DDX10: variants seen among roughly 807,000 people sequenced by gnomAD.
DDX10 encodes probable ATP-dependent RNA helicase DDX10.
DDX10 carries 74 observed loss-of-function variants against 104.3 expected under a neutral mutation model. The ratio of observed to expected loss-of-function variants is 0.71; its 90% CI spans 0.59 to 0.86. DDX10 has a LOEUF of 0.86. DDX10 is among the 40% of genes least tolerant of loss of function. The pLI, the probability that DDX10 is intolerant of heterozygous loss-of-function variation, is 0.00. For synonymous variants in DDX10, 351 were observed against 353.4 expected (o/e 0.99, Z 0.08); for missense variants, 952 against 1,040.0 (o/e 0.92, Z 1.16).
intron 9 of DDX10, among the ~76,000 whole-genome samples, chr11:108,701,194 T>C (rs922128181): frequency 6.6e-6 from 1 of 152,118 alleles, no homozygotes; most frequent in Non-Finnish European, 1.5e-5. Context: ...ATACCCTTTT[T>C]CTTGGAATAA....
At chr11:108,747,910 A>T (rs1276839178) in intron 13 of DDX10, among the ~76,000 whole-genome samples, 1 of 152,144 alleles carries the variant, frequency 6.6e-6, no homozygotes, top group Non-Finnish European at 1.5e-5. Context: ...TAGGTACAGT[A>T]TGTCAGATAG....
At position 108,850,764 on chromosome 11, in the gene DDX10, G is replaced by C. The variant is rs111693904; in HGVS notation, c.2248-1389G>C. On this transcript the variant is annotated intron_variant, in intron 15 of 17. Transcript: ENST00000322536. ...AGTCAATGTTCCAGTGGAGGAGTAT[G>C]AAGTGTAGTGGTGTGCTAGATTTGA... 6.0e-3 allele frequency among the ~76,000 whole-genome samples: 921 copies of C among 152,280 alleles called. 3 individuals are homozygous for C. Among genetic ancestry groups the C allele is most frequent in the African/African-American group, 0.021 (856 of 41,568 alleles).
chr11:108,900,079 T>C (rs996354627), intron 16 of DDX10, among the ~76,000 whole-genome samples: 1 of 151,624 alleles, frequency 6.6e-6, no homozygotes, highest in African/African-American at 2.4e-5. Context: ...GTCACTGCAC[T>C]CCAGCCTGGA....
intron 10 of DDX10, among the ~76,000 whole-genome samples, chr11:108,715,525 TA>T (rs570445070): frequency 0.012 from 1,827 of 152,282 alleles, 22 homozygotes; most frequent in Admixed American, 0.021. Flanking sequence ...TGAGACCTCT[TA>T]AAAAAATTAG....
chr11:108,723,543 A>G, intron 13 of DDX10, 81 bp downstream of exon 13: 1 of 1,391,408 alleles, frequency 7.2e-7, no homozygotes, highest in Non-Finnish European at 9.6e-7. Context: ...ACTGAGAGAA[A>G]GTGAAAACTA....
At chr11:108,807,267 C>T (rs918741869) in intron 13 of DDX10, among the ~76,000 whole-genome samples, 1 of 151,996 alleles carries the variant, frequency 6.6e-6, no homozygotes, top group Non-Finnish European at 1.5e-5. Flanking sequence ...AAAAGGTTGG[C>T]TGGGGGCAAA....
At chr11:108,853,400 A>G (rs971495179) in intron 16 of DDX10, among the ~76,000 whole-genome samples, 7 of 152,254 alleles carry the variant, frequency 4.6e-5, no homozygotes, top group African/African-American at 1.4e-4. Context: ...TTCTGCATAT[A>G]TAAATGTAAA....
intron 13 of DDX10, among the ~76,000 whole-genome samples, chr11:108,726,511 A>T (rs61914008): frequency 6.6e-6 from 1 of 151,986 alleles, no homozygotes. Flanking sequence ...TGTTGCCAGT[A>T]TATAGAAATA....
intron 13 of DDX10, chr11:108,727,790 G>A (rs545399719): frequency 2.9e-4 from 51 of 173,214 alleles, no homozygotes; most frequent in Non-Finnish European, 4.6e-4. Flanking sequence ...ATACTTTCAA[G>A]TATAGATTCA....
At chr11:108,732,966 C>T (rs1464399977) in intron 13 of DDX10, among the ~76,000 whole-genome samples, 1 of 152,014 alleles carries the variant, frequency 6.6e-6, no homozygotes, top group Non-Finnish European at 1.5e-5. Context: ...GGGTAGATTC[C>T]ATTTTAGCTC....
Position 108,852,213 on chromosome 11 carries a change from A to C in DDX10, c.2304+4A>C. 1 of 1,608,750 alleles carries C rather than the reference A, an allele frequency of 6.2e-7. No individual in the cohort carries two copies. Among genetic ancestry groups the C allele is most frequent in the Non-Finnish European group, 8.5e-7 (1 of 1,176,544 alleles). On this transcript the variant is annotated splice_donor_region_variant and intron_variant, in intron 16 of 17. Coordinates refer to ENST00000322536, the MANE Select transcript of DDX10 (RefSeq NM_004398.4). Reference sequence around the variant, plus strand: ...AGCCAACAAGAGACAAGCAAAGGTAAGGGTTTATATACATTTATTTTTCCA... The same window carrying C: ...AGCCAACAAGAGACAAGCAAAGGTACGGGTTTATATACATTTATTTTTCCA...
At chr11:108,775,946 GT>G (rs1321071584) in intron 13 of DDX10, among the ~76,000 whole-genome samples, 1 of 152,098 alleles carries the variant, frequency 6.6e-6, no homozygotes, top group African/African-American at 2.4e-5. Flanking sequence ...TCAACACAGT[GT>G]TTAAAAAATT....
intron 13 of DDX10, among the ~76,000 whole-genome samples, chr11:108,814,724 G>T (rs576878866): frequency 1.3e-5 from 2 of 152,034 alleles, no homozygotes; most frequent in East Asian, 3.8e-4. Context: ...ATGATCCTTC[G>T]TAATTAAGTT....
chr11:108,796,330 AG>A (rs946242420), intron 13 of DDX10, among the ~76,000 whole-genome samples: 3 of 152,148 alleles, frequency 2.0e-5, no homozygotes, highest in African/African-American at 7.2e-5. Flanking sequence ...CTTGTGTTCT[AG>A]TTGATTGTAT....
chr11:108,713,131 A>C (rs1299462198), intron 10 of DDX10, among the ~76,000 whole-genome samples: 3 of 152,116 alleles, frequency 2.0e-5, no homozygotes, highest in African/African-American at 7.2e-5. Context: ...TGATATGCCT[A>C]GGTATAGTCT....
Position 108,678,387 on chromosome 11 carries a change from C to A in DDX10, c.610C>A (p.His204Asn). 3.1e-6 allele frequency: 5 copies of A among 1,612,628 alleles called. No individual in the cohort carries two copies. The highest frequency in any genetic ancestry group is 4.2e-6 in the Non-Finnish European group (5 of 1,179,466). The stretch of plus-strand genomic sequence containing the variant: ...GTGCACACCAGGTCGGCTTCTTCAA[C>A]ACATGGATGAAACAGTATCTTTTCA... ...LVCTPGRLLQ[H>N]MDETVSFHAT... The change falls in exon 5 of 18, where the codon CAC becomes AAC. Residue 204 changes from histidine to asparagine, a missense_variant. His to Asn is a moderately conservative substitution (Grantham distance 68). Coordinates refer to ENST00000322536, the MANE Select transcript of DDX10 (RefSeq NM_004398.4).
At chr11:108,906,659 A>G (rs1187009671) in intron 16 of DDX10, among the ~76,000 whole-genome samples, 3 of 152,148 alleles carry the variant, frequency 2.0e-5, no homozygotes, top group Non-Finnish European at 4.4e-5. Context: ...TGGACTTGGA[A>G]TTTTTCTTTT....
intron 6 of DDX10, among the ~76,000 whole-genome samples, chr11:108,684,747 C>G (rs1413342611): frequency 6.8e-6 from 1 of 147,452 alleles, no homozygotes; most frequent in Non-Finnish European, 1.5e-5. Context: ...AATGGTATTT[C>G]TAGTTCTAGA....
At chr11:108,696,695 G>C (rs1012014565) in intron 9 of DDX10, among the ~76,000 whole-genome samples, 2 of 152,054 alleles carry the variant, frequency 1.3e-5, no homozygotes. Context: ...CAGGGGTGTA[G>C]GCGCTTTTTA....
Sources: gnomAD v4.1 joint callset for allele counts (sites outside exome capture counted in the v4.1 genomes callset) on GRCh38, gnomAD v4.1.1 for gene constraint, MANE v1.5 for transcripts, NCBI Gene and HGNC (gene_info 2026-07-23, HGNC 2026-07-21) for gene names.